GLYAT: variants seen among roughly 807,000 people sequenced by gnomAD.
The protein encoded by GLYAT is glycine-N-acyltransferase, also known as glycine N-acyltransferase.
Under a neutral mutation model 22.8 loss-of-function variants are expected in GLYAT, and 25 were observed. The observed-to-expected ratio is 1.09, with a 90% CI of 0.80 to 1.53. The LOEUF (loss-of-function observed/expected upper bound fraction) is 1.53. GLYAT is among the 40% of genes most tolerant of loss of function. The pLI is 0.00. For missense variants in GLYAT, 411 were observed against 353.9 expected (o/e 1.16, Z -1.29); for synonymous variants, 140 against 122.7 (o/e 1.14, Z -0.93).
intron 1 of GLYAT, among the ~76,000 whole-genome samples, chr11:58,730,058 A>G (rs1443887976): frequency 6.6e-6 from 1 of 152,206 alleles, no homozygotes; most frequent in East Asian, 1.9e-4. Context: ...ATCTGACACA[A>G]TAATGGTAGC....
intron 1 of GLYAT, among the ~76,000 whole-genome samples, chr11:58,725,732 G>A (rs1459183896): frequency 1.3e-5 from 2 of 152,142 alleles, no homozygotes; most frequent in African/African-American, 2.4e-5. Flanking sequence ...CCAAGTGGGC[G>A]ACCTGAGAGA....
rs766493349 is a variant in GLYAT at position 58,724,486 on chromosome 11, G to A, written c.11C>T (p.Pro4Leu). 5.6e-6 allele frequency: 9 copies of A among 1,601,652 alleles called. No individual in the cohort carries two copies. Among genetic ancestry groups the A allele is most frequent in the Middle Eastern group, 1.7e-4 (1 of 6,032 alleles). The change falls in exon 2 of 6, where the codon CCA (proline) becomes CTA (leucine). Residue 4 changes from proline (P) to leucine (L), a missense_variant. Pro to Leu is a moderately conservative substitution (Grantham distance 98). Transcript: ENST00000344743. The stretch of plus-strand genomic sequence containing the variant: ...CTGCAGCATCTGGGCACCTTGCAAT[G>A]GTAACATCATGGAGGATACCTTAGC... The part of the protein sequence containing the change: MML[P>L]LQGAQMLQML...
rs565784070 is a variant in GLYAT at position 58,723,913 on chromosome 11, T to C, written c.81+503A>G. Among the ~76,000 whole-genome samples, 434 of 152,158 alleles carry C rather than the reference T, an allele frequency of 2.9e-3. 4 individuals are homozygous for C. The highest frequency in any genetic ancestry group is 9.8e-3 in the African/African-American group (406 of 41,548). On this transcript the variant is annotated intron_variant, in intron 2 of 5. Coordinates refer to ENST00000344743, the MANE Select transcript of GLYAT (RefSeq NM_201648.3). Reference sequence around the variant, plus strand: ...TCGACCTGCCTTCAATTCAGAGCAATTGGGAAATTTACATTAAAATAGAAA... The same window carrying C: ...TCGACCTGCCTTCAATTCAGAGCAACTGGGAAATTTACATTAAAATAGAAA...
In GLYAT at chr11:58,711,903, A is replaced by G. The variant is rs78632340; in HGVS notation, c.316+857T>C. Among the ~76,000 whole-genome samples the G allele has an allele frequency of 4.1e-3, 619 of 152,342 alleles. 4 individuals are homozygous for G. The highest frequency in any genetic ancestry group is 0.014 in the African/African-American group (582 of 41,578). On this transcript the variant is annotated intron_variant, in intron 4 of 5. Transcript: ENST00000344743. ...CTCCTGGTTAAGACCAATTATGTTA[A>G]GACCAATACCATTAAGATAGGCCTG...
intron 1 of GLYAT, among the ~76,000 whole-genome samples, chr11:58,725,794 T>G (rs1856805776): frequency 6.6e-6 from 1 of 152,166 alleles, no homozygotes; most frequent in African/African-American, 2.4e-5. Context: ...GGCATAATTT[T>G]GGGGTCTTGT....
In GLYAT at chr11:58,715,462, G is replaced by GA. The variant is rs752167897; in HGVS notation, c.82-40dup. 1.4e-4 allele frequency: 125 copies of GA among 874,726 alleles called. No homozygotes were observed. The East Asian group carries it at 1.7e-3, about 12-fold the overall frequency. 54.2% of individuals were successfully genotyped at this position (874,726 alleles called of 1,614,324 possible). The stretch of plus-strand genomic sequence containing the variant: ...AGAAATTGACAGGGTTGGTTTATTT[G>GA]AAAAAAACAGTAAAGTTTCTTGCTT... On this transcript the variant is annotated intron_variant, in intron 2 of 5. Coordinates refer to ENST00000344743, the MANE Select transcript of GLYAT (RefSeq NM_201648.3).
chr11:58,717,238 C>T (rs185503573), intron 2 of GLYAT, among the ~76,000 whole-genome samples: 16 of 152,098 alleles, frequency 1.1e-4, no homozygotes, highest in South Asian at 8.3e-4. Flanking sequence ...TAATGTCTTA[C>T]GGCTAGGACA....
At position 58,713,445 on chromosome 11, in the gene GLYAT, G is replaced by A. The variant is rs564115933; in HGVS notation, c.190-559C>T. Reference sequence around the variant, plus strand: ...AAGAAGAGAAAGGCAATTGACAAGGGAAAGCTTATGTCACAAGAATAAATT... The same window carrying A: ...AAGAAGAGAAAGGCAATTGACAAGGAAAAGCTTATGTCACAAGAATAAATT... On this transcript the variant is annotated intron_variant, in intron 3 of 5. Transcript: ENST00000344743. Among the ~76,000 whole-genome samples the A allele has an allele frequency of 7.9e-5, 12 of 152,176 alleles. No individual in the cohort carries two copies. The East Asian group carries it at 2.3e-3, about 29-fold the overall frequency.
At chr11:58,731,359 C>T (rs554337199) in intron 1 of GLYAT, among the ~76,000 whole-genome samples, 2 of 152,228 alleles carry the variant, frequency 1.3e-5, no homozygotes, top group East Asian at 3.9e-4. Context: ...GTCGAGAGCA[C>T]AAACTTCTAA....
intron 5 of GLYAT, 169 bp from the exon 6 acceptor site, chr11:58,710,337 T>A: frequency 1.7e-6 from 2 of 1,191,892 alleles, no homozygotes; most frequent in Non-Finnish European, 2.3e-6. Context: ...TCAGAGCTGT[T>A]GGAGGAAGAA....
rs1293451711 is a variant in GLYAT, at chr11:58,712,880, T to TCATA, written c.192_195dup (p.Thr66TyrfsTer4). 3 of 1,594,636 alleles carry TCATA rather than the reference T, an allele frequency of 1.9e-6. No homozygotes were observed. The highest frequency in any genetic ancestry group is 2.6e-6 in the Non-Finnish European group (3 of 1,163,560). Reference sequence around the variant, plus strand: ...TTGGTATAGTGATCAAGGTCATCTGTCATATCCTGTTATCATTAGGAAAAA... The same window carrying TCATA: ...TTGGTATAGTGATCAAGGTCATCTGTCATACATATCCTGTTATCATTAGGAAAAA... On this transcript the variant is annotated frameshift_variant, in exon 4 of 6. Coordinates refer to ENST00000344743, the MANE Select transcript of GLYAT (RefSeq NM_201648.3). LOFTEE classifies it high-confidence loss of function.
chr11:58,719,264 A>G (rs72925789), intron 2 of GLYAT, among the ~76,000 whole-genome samples: 1 of 151,978 alleles, frequency 6.6e-6, no homozygotes, highest in Non-Finnish European at 1.5e-5. Flanking sequence ...TGAGAAAGGA[A>G]ATTTAATTTT....
At chr11:58,722,844 G>A (rs1016259665) in intron 2 of GLYAT, among the ~76,000 whole-genome samples, 3 of 152,014 alleles carry the variant, frequency 2.0e-5, no homozygotes, top group African/African-American at 7.2e-5. Flanking sequence ...TCTTAACTAG[G>A]CCTCAAGTAA....
At chr11:58,724,190 A>G (rs1335281573) in intron 2 of GLYAT, 2 of 437,684 alleles carry the variant, frequency 4.6e-6, no homozygotes, top group East Asian at 6.9e-5. Context: ...ATTGCAACTC[A>G]GTATTTGTGA....
chr11:58,728,779 G>A (rs548703069), intron 1 of GLYAT: 4 of 148,184 alleles, frequency 2.7e-5, no homozygotes, highest in African/African-American at 5.1e-5. Context: ...GTGGAGCTTC[G>A]TTGAGAGAGT....
At chr11:58,723,392 A>G (rs1243132062) in intron 2 of GLYAT, among the ~76,000 whole-genome samples, 1 of 152,118 alleles carries the variant, frequency 6.6e-6, no homozygotes, top group Non-Finnish European at 1.5e-5. Context: ...ACTTGAAGCT[A>G]TACTGTGTTG....
chr11:58,725,819 G>T (rs1178032255), intron 1 of GLYAT, among the ~76,000 whole-genome samples: 4 of 152,154 alleles, frequency 2.6e-5, no homozygotes, highest in Non-Finnish European at 4.4e-5. Flanking sequence ...ATTCTCCCCT[G>T]ATTCTTCCCA....
At chr11:58,731,583 G>A (rs780198348) in intron 1 of GLYAT, among the ~76,000 whole-genome samples, 25 of 152,200 alleles carry the variant, frequency 1.6e-4, no homozygotes, top group Non-Finnish European at 2.8e-4. Flanking sequence ...GATATTTAAA[G>A]TATACAATAT....
chr11:58,716,138 G>A (rs1856677130), intron 2 of GLYAT, among the ~76,000 whole-genome samples: 1 of 152,192 alleles, frequency 6.6e-6, no homozygotes, highest in Admixed American at 6.6e-5. Context: ...AAACTAATGA[G>A]AGAGAGGGGT....
Sources: gnomAD v4.1 joint callset for allele counts (sites outside exome capture counted in the v4.1 genomes callset) on GRCh38, gnomAD v4.1.1 for gene constraint, MANE v1.5 for transcripts, NCBI Gene and HGNC (gene_info 2026-07-23, HGNC 2026-07-21) for gene names.